RAB7A: variants seen among roughly 807,000 people sequenced by gnomAD.
The protein encoded by RAB7A is ras-related protein Rab-7a.
RAB7A carries 2 observed loss-of-function variants against 24.5 expected under a neutral mutation model. The observed-to-expected ratio is 0.08, with a 90% CI of 0.03 to 0.26. RAB7A has a LOEUF of 0.26. Ranked by LOEUF, RAB7A falls within the 10% of genes least tolerant of loss-of-function variation. The pLI, the probability that RAB7A is intolerant of heterozygous loss-of-function variation, is 1.00. For missense variants in RAB7A, 118 were observed against 255.7 expected (o/e 0.46, Z 3.67); for synonymous variants, 100 against 95.9 (o/e 1.04, Z -0.25).
At chr3:128,740,030 C>T (rs1576269904) in intron 1 of RAB7A, among the ~76,000 whole-genome samples, 1 of 152,076 alleles carries the variant, frequency 6.6e-6, no homozygotes, top group African/African-American at 2.4e-5. Flanking sequence ...TGTGCCATTG[C>T]ACTCCAGCCT....
intron 1 of RAB7A, among the ~76,000 whole-genome samples, chr3:128,767,543 G>T (rs151010379): frequency 1.3e-5 from 2 of 152,220 alleles, no homozygotes; most frequent in Non-Finnish European, 1.5e-5. Context: ...GTTAGGGAAA[G>T]ATTTGTATGG....
In RAB7A at chr3:128,813,385, A is replaced by C; in HGVS notation, c.587A>C (p.Asp196Ala). Residue 196 changes from aspartate to alanine, a missense_variant, in exon 6 of 6, where the codon GAC becomes GCC. Coordinates refer to ENST00000265062, the MANE Select transcript of RAB7A (RefSeq NM_004637.6). ...FPEPIKLDKN[D>A]RAKASAESCS... ...GAACCTATCAAACTGGACAAGAATG[A>C]CCGGGCCAAGGCCTCGGCAGAAAGC... 1 of 1,614,222 alleles carries C rather than the reference A, an allele frequency of 6.2e-7. No individual in the cohort carries two copies. Among genetic ancestry groups the C allele is most frequent in the Non-Finnish European group, 8.5e-7 (1 of 1,180,032 alleles).
At chr3:128,747,320 C>G (rs137970630) in intron 1 of RAB7A, among the ~76,000 whole-genome samples, 2 of 151,514 alleles carry the variant, frequency 1.3e-5, no homozygotes, top group East Asian at 3.9e-4. Context: ...GGCGCAGTGG[C>G]TCACGCCTGT....
At chr3:128,763,853 G>A (rs1482449981) in intron 1 of RAB7A, among the ~76,000 whole-genome samples, 1 of 125,472 alleles carries the variant, frequency 8.0e-6, no homozygotes, top group Non-Finnish European at 1.7e-5. Flanking sequence ...GCATTCACCT[G>A]TTAGATTCCC....
At chr3:128,735,295 G>A (rs917703153) in intron 1 of RAB7A, among the ~76,000 whole-genome samples, 5 of 152,224 alleles carry the variant, frequency 3.3e-5, no homozygotes, top group East Asian at 3.8e-4. Context: ...ATGAATGGAT[G>A]TAGGGATTGC....
intron 2 of RAB7A, among the ~76,000 whole-genome samples, chr3:128,796,543 T>A (rs1373817637): frequency 6.6e-6 from 1 of 152,210 alleles, no homozygotes; most frequent in Non-Finnish European, 1.5e-5. Flanking sequence ...TATGTATTTT[T>A]AAAAATAACA....
intron 1 of RAB7A, among the ~76,000 whole-genome samples, chr3:128,790,509 C>T (rs529540293): frequency 1.3e-5 from 2 of 152,286 alleles, no homozygotes; most frequent in East Asian, 3.9e-4. Flanking sequence ...TGTGTATATT[C>T]CTTTCTGCTT....
intron 1 of RAB7A, among the ~76,000 whole-genome samples, chr3:128,773,965 C>T (rs565545923): frequency 6.6e-6 from 1 of 150,604 alleles, no homozygotes; most frequent in East Asian, 1.9e-4. Context: ...GGGTCCTCTG[C>T]CTAGGAAAAC....
chr3:128,740,249 C>T (rs565405956), intron 1 of RAB7A, among the ~76,000 whole-genome samples: 51 of 151,722 alleles, frequency 3.4e-4, no homozygotes, highest in South Asian at 6.2e-4. Context: ...GGTGTGGTGG[C>T]GTGCACTTGT....
At chr3:128,737,953 G>A (rs2070509242) in intron 1 of RAB7A, among the ~76,000 whole-genome samples, 2 of 147,092 alleles carry the variant, frequency 1.4e-5, no homozygotes, top group South Asian at 4.5e-4. Flanking sequence ...TAGGATTACA[G>A]GAATGAATCA....
chr3:128,764,589 C>T (rs1423067363), intron 1 of RAB7A: 1 of 1,411,500 alleles, frequency 7.1e-7, no homozygotes, highest in East Asian at 2.3e-5. Context: ...TGATGGCTTT[C>T]ACCTGCTCAT....
chr3:128,763,208 A>ATATATATATATTTTTTTT (rs373993932), intron 1 of RAB7A, among the ~76,000 whole-genome samples: 6 of 76,058 alleles, frequency 7.9e-5, no homozygotes, highest in African/African-American at 4.9e-4. Context: ...ATATATATAT[A>ATATATATATATTTTTTTT]TTTTTTTTTT....
chr3:128,799,466 A>G (rs1436732280), intron 3 of RAB7A, among the ~76,000 whole-genome samples: 1 of 152,194 alleles, frequency 6.6e-6, no homozygotes, highest in Non-Finnish European at 1.5e-5. Flanking sequence ...AGTCCTAGAA[A>G]GTACCTGGCA....
chr3:128,779,418 AAAAG>A (rs1450755186), intron 1 of RAB7A, among the ~76,000 whole-genome samples: 1 of 152,088 alleles, frequency 6.6e-6, no homozygotes, highest in Non-Finnish European at 1.5e-5. Flanking sequence ...AAAAAAAAAA[AAAAG>A]AGAGATTCAT....
At chr3:128,731,444 C>T (rs780517560) in intron 1 of RAB7A, among the ~76,000 whole-genome samples, 1 of 152,186 alleles carries the variant, frequency 6.6e-6, no homozygotes, top group African/African-American at 2.4e-5. Flanking sequence ...GTTAAAAAAG[C>T]GATAACATTT....
intron 1 of RAB7A, among the ~76,000 whole-genome samples, chr3:128,784,884 T>C (rs984996084): frequency 9.2e-5 from 14 of 152,120 alleles, no homozygotes; most frequent in African/African-American, 7.2e-5. Flanking sequence ...TTGATTAATA[T>C]AGTAAGATTA....
intron 1 of RAB7A, among the ~76,000 whole-genome samples, chr3:128,764,057 CT>C (rs2070802262): frequency 6.6e-6 from 1 of 152,106 alleles, no homozygotes; most frequent in Non-Finnish European, 1.5e-5. Flanking sequence ...TAATCTGGGC[CT>C]GGCAGGACTA....
intron 1 of RAB7A, among the ~76,000 whole-genome samples, chr3:128,730,233 CTT>C (rs35639393): frequency 7.0e-5 from 10 of 143,108 alleles, no homozygotes; most frequent in Admixed American, 7.0e-5. Context: ...TGTTTTAAAA[CTT>C]TTTTTTTTTT....
chr3:128,795,909 G>T (rs988991460), intron 2 of RAB7A, among the ~76,000 whole-genome samples: 6 of 151,548 alleles, frequency 4.0e-5, no homozygotes, highest in African/African-American at 1.5e-4. Flanking sequence ...CCGCCACCAC[G>T]CCCGGCTAGT....
Sources: gnomAD v4.1 joint callset for allele counts (sites outside exome capture counted in the v4.1 genomes callset) on GRCh38, gnomAD v4.1.1 for gene constraint, MANE v1.5 for transcripts, NCBI Gene and HGNC (gene_info 2026-07-23, HGNC 2026-07-21) for gene names.